Variants in JADE1 observed in about 807,000 individuals in gnomAD.
JADE1 encodes the protein protein Jade-1.
A neutral mutation model predicts 81.8 loss-of-function variants in JADE1; 14 were observed. That is an observed-to-expected ratio of 0.17 (90% CI 0.11 to 0.27). The LOEUF (loss-of-function observed/expected upper bound fraction) is 0.27, where lower values mean the gene tolerates loss of function less well. Ranked by LOEUF, JADE1 falls within the 10% of genes least tolerant of loss-of-function variation. The probability of loss-of-function intolerance (pLI) is 1.00; values close to 1 mark genes in which losing one functional copy is unlikely to be tolerated. For missense variants in JADE1, 690 were observed against 1,047.9 expected, an observed-to-expected ratio of 0.66 and a Z score of 4.71; for synonymous variants, 353 against 391.9, an observed-to-expected ratio of 0.90 and a Z score of 1.17.
At chr4:128,817,910 C>A (rs1210622577) in intron 1 of JADE1, among the ~76,000 whole-genome samples, 1 of 152,148 alleles carries the variant, frequency 6.6e-6, no homozygotes, top group Non-Finnish European at 1.5e-5. Flanking sequence ...GTTAAAATGC[C>A]TGTTGAGAAC....
intron 1 of JADE1, among the ~76,000 whole-genome samples, chr4:128,813,286 A>G (rs1048453770): frequency 2.0e-5 from 3 of 152,184 alleles, no homozygotes; most frequent in Non-Finnish European, 4.4e-5. Context: ...GTAGGTGGGC[A>G]ACATACGTGG....
intron 3 of JADE1, among the ~76,000 whole-genome samples, chr4:128,844,762 G>C (rs1251159235): frequency 6.6e-6 from 1 of 152,098 alleles, no homozygotes; most frequent in Non-Finnish European, 1.5e-5. Flanking sequence ...CCTAATTCTT[G>C]CTTGTTAATA....
intron 9 of JADE1, among the ~76,000 whole-genome samples, chr4:128,866,082 A>C (rs1346901042): frequency 1.3e-5 from 2 of 152,194 alleles, no homozygotes; most frequent in Non-Finnish European, 2.9e-5. Flanking sequence ...CCTGGGTGGA[A>C]CAATATCGAA....
intron 1 of JADE1, among the ~76,000 whole-genome samples, chr4:128,819,546 G>A (rs1418985976): frequency 1.3e-5 from 2 of 152,230 alleles, no homozygotes; most frequent in East Asian, 1.9e-4. Flanking sequence ...GGGAGATAAT[G>A]TCAAGTAGGG....
intron 2 of JADE1, among the ~76,000 whole-genome samples, chr4:128,836,286 T>C (rs1211577763): frequency 6.6e-6 from 1 of 152,178 alleles, no homozygotes; most frequent in Non-Finnish European, 1.5e-5. Context: ...CCGGAAGCCT[T>C]ACTAATAACA....
chr4:128,872,120 C>G lies in JADE1; in HGVS notation c.2387C>G (p.Ser796Cys), dbSNP rs1224133416. The stretch of plus-strand genomic sequence containing the variant: ...GAAAGGGCAAAAAGCAAATTAAAAT[C>G]CGACAATGAGAATGACGGGTATGTC... ...AKERAKSKLK[S>C]DNENDGYVPD... The change falls in exon 11 of 11, where the codon TCC (serine) becomes TGC (cysteine). Residue 796 changes from serine to cysteine, a missense_variant. Coordinates refer to ENST00000226319, the MANE Select transcript of JADE1 (RefSeq NM_199320.4). The G allele has an allele frequency of 1.2e-6, 2 of 1,614,018 alleles. No individual in the cohort carries two copies. Among genetic ancestry groups the G allele is most frequent in the South Asian group, 2.2e-5 (2 of 91,084 alleles).
intron 1 of JADE1, among the ~76,000 whole-genome samples, chr4:128,824,726 T>C (rs189945102): frequency 5.0e-4 from 76 of 152,346 alleles, no homozygotes; most frequent in Non-Finnish European, 8.5e-4. Flanking sequence ...TTGGGTGATA[T>C]ATAAAAGTAT....
At chr4:128,867,220 G>A (rs1007937540) in intron 9 of JADE1, among the ~76,000 whole-genome samples, 2 of 152,138 alleles carry the variant, frequency 1.3e-5, no homozygotes, top group African/African-American at 2.4e-5. Flanking sequence ...CTAGGCATTC[G>A]CACACCTCAT....
chr4:128,841,617 G>GTT (rs1302134941), intron 2 of JADE1, among the ~76,000 whole-genome samples: 1 of 152,172 alleles, frequency 6.6e-6, no homozygotes, highest in Non-Finnish European at 1.5e-5. Context: ...ACAGATCTAA[G>GTT]GAATACCTTA....
chr4:128,843,729 T>C (rs1729641489), intron 3 of JADE1, among the ~76,000 whole-genome samples: 1 of 152,218 alleles, frequency 6.6e-6, no homozygotes, highest in Admixed American at 6.5e-5. Context: ...GAGAAGGTTA[T>C]AGGAAGAGTT....
intron 1 of JADE1, among the ~76,000 whole-genome samples, chr4:128,822,486 G>T (rs1727667304): frequency 6.6e-6 from 1 of 152,096 alleles, no homozygotes. Context: ...GCCGAGGCGG[G>T]TGGATCACCT....
At chr4:128,849,266 A>T (rs1730139369) in intron 5 of JADE1, 99 bp downstream of exon 5, 10 of 986,750 alleles carry the variant, frequency 1.0e-5, no homozygotes, top group Admixed American at 2.7e-5. Flanking sequence ...TGCCAGTTGC[A>T]GGCAGCTCCA....
At chr4:128,865,422 G>A (rs1054202379) in intron 9 of JADE1, among the ~76,000 whole-genome samples, 1 of 152,116 alleles carries the variant, frequency 6.6e-6, no homozygotes, top group African/African-American at 2.4e-5. Flanking sequence ...ACCTGGAGAT[G>A]GTTTAAATGT....
intron 1 of JADE1, among the ~76,000 whole-genome samples, chr4:128,810,996 G>C (rs969972635): frequency 6.6e-6 from 1 of 152,162 alleles, no homozygotes; most frequent in Admixed American, 6.5e-5. Flanking sequence ...TTAAATGAAC[G>C]TGTAGTGTGT....
intron 1 of JADE1, among the ~76,000 whole-genome samples, chr4:128,825,428 A>G (rs945380956): frequency 6.6e-6 from 1 of 152,182 alleles, no homozygotes; most frequent in Non-Finnish European, 1.5e-5. Context: ...GACCACGCCC[A>G]GGTCACTGAA....
At chr4:128,834,832 GCCA>G (rs1394302815) in intron 2 of JADE1, among the ~76,000 whole-genome samples, 4 of 151,992 alleles carry the variant, frequency 2.6e-5, no homozygotes, top group Middle Eastern at 3.2e-3. Context: ...ACCACGCCTG[GCCA>G]AATATTTCAT....
At chr4:128,864,191 A>G in intron 9 of JADE1, 1 of 889,032 alleles carries the variant, frequency 1.1e-6, no homozygotes, top group Non-Finnish European at 1.3e-6. Flanking sequence ...TTTGTTGCCC[A>G]GGCTGGAGTG....
At chr4:128,813,407 C>CT (rs72296886) in intron 1 of JADE1, among the ~76,000 whole-genome samples, 29,666 of 114,924 alleles carry the variant, frequency 0.26, 5,014 homozygotes, top group African/African-American at 0.43. Flanking sequence ...CTTACGGTCA[C>CT]TTTTTTTTTT....
At chr4:128,839,258 T>C (rs1218269446) in intron 2 of JADE1, among the ~76,000 whole-genome samples, 2 of 152,184 alleles carry the variant, frequency 1.3e-5, no homozygotes, top group Non-Finnish European at 2.9e-5. Flanking sequence ...CACCAGCAAA[T>C]ACCTGCTCCT....
Sources: allele counts gnomAD v4.1 joint callset (sites outside exome capture counted in the v4.1 genomes callset), GRCh38; gene constraint gnomAD v4.1.1; transcripts MANE v1.5; gene names NCBI Gene and HGNC (gene_info 2026-07-23, HGNC 2026-07-21).